Variants in ATF7 observed in about 807,000 individuals in gnomAD.
The protein encoded by ATF7 is cyclic AMP-dependent transcription factor ATF-7.
ATF7 carries 10 observed loss-of-function variants against 50.4 expected under a neutral mutation model. The observed-to-expected ratio is 0.20, with a 90% CI of 0.12 to 0.34. The LOEUF (loss-of-function observed/expected upper bound fraction) is 0.34. Ranked by LOEUF, ATF7 falls within the 10% of genes least tolerant of loss-of-function variation. The pLI is 1.00. For synonymous variants in ATF7, 201 were observed against 226.4 expected, an observed-to-expected ratio of 0.89 and a Z score of 1.01; for missense variants, 465 against 613.9, an observed-to-expected ratio of 0.76 and a Z score of 2.56.
At chr12:53,576,912 C>T (rs534848933) in intron 2 of ATF7, among the ~76,000 whole-genome samples, 23 of 152,082 alleles carry the variant, frequency 1.5e-4, no homozygotes, top group South Asian at 1.2e-3. Flanking sequence ...AAAAGTTAGT[C>T]GGGCATGGTT....
intron 3 of ATF7, among the ~76,000 whole-genome samples, chr12:53,548,490 C>A (rs747340706): frequency 7.3e-5 from 11 of 151,716 alleles, no homozygotes; most frequent in Non-Finnish European, 1.2e-4. Context: ...CGCCACCACA[C>A]CTGGCTAATT....
At chr12:53,565,231 T>C (rs766747385) in intron 2 of ATF7, among the ~76,000 whole-genome samples, 6 of 151,654 alleles carry the variant, frequency 4.0e-5, no homozygotes, top group Non-Finnish European at 8.8e-5. Context: ...GCCAACTCCA[T>C]CAGGGATTGG....
rs779068166 is a variant in ATF7 at position 53,537,516 on chromosome 12, T to C, written c.301A>G (p.Thr101Ala). ...AGPLDMSLPSTPDIKIKEEEP... is the reference protein window; with the variant it reads ...AGPLDMSLPSAPDIKIKEEEP... ...TCTTCTTTGATTTTGATGTCTGGTG[T>C]GGAAGGCAGAGACATGTCAAGGGGC... Residue 101 changes from threonine (T) to alanine (A), a missense_variant, in exon 5 of 12, where the codon ACA becomes GCA. By Grantham distance (58) the Thr-to-Ala change is moderately conservative. Transcript: ENST00000420353. 6.2e-7 allele frequency: 1 copy of C among 1,613,576 alleles called. No individual in the cohort carries two copies. The highest frequency in any genetic ancestry group is 1.7e-5 in the Admixed American group (1 of 59,998).
chr12:53,519,132 ATTCT>A (rs1333573586), intron 11 of ATF7, among the ~76,000 whole-genome samples: 1 of 151,706 alleles, frequency 6.6e-6, no homozygotes, highest in East Asian at 1.9e-4. Flanking sequence ...TAACTGTTTT[ATTCT>A]TTGTGTTTTC....
intron 2 of ATF7, among the ~76,000 whole-genome samples, chr12:53,558,899 G>GT (rs2137546455): frequency 6.6e-6 from 1 of 152,234 alleles, no homozygotes; most frequent in South Asian, 2.1e-4. Flanking sequence ...TCCATTTCTA[G>GT]TAAGTTTTAC....
At chr12:53,564,590 C>A (rs1247899346) in intron 2 of ATF7, among the ~76,000 whole-genome samples, 1 of 152,160 alleles carries the variant, frequency 6.6e-6, no homozygotes, top group Non-Finnish European at 1.5e-5. Context: ...GTGTCAAGAA[C>A]TGGATTCCTC....
chr12:53,569,746 C>T (rs1003667086), intron 2 of ATF7, among the ~76,000 whole-genome samples: 1 of 151,890 alleles, frequency 6.6e-6, no homozygotes, highest in Non-Finnish European at 1.5e-5. Context: ...GCAATCTCAG[C>T]TTACTGCAAC....
At chr12:53,531,654 C>T (rs1938898077) in intron 9 of ATF7, 90 bp downstream of exon 9, 1 of 1,369,716 alleles carries the variant, frequency 7.3e-7, no homozygotes, top group Non-Finnish European at 9.6e-7. Context: ...AGCTGAAGTC[C>T]ATTCTTCTCT....
intron 9 of ATF7, among the ~76,000 whole-genome samples, chr12:53,527,493 A>T (rs1011785021): frequency 6.7e-6 from 1 of 149,860 alleles, no homozygotes; most frequent in Non-Finnish European, 1.5e-5. Context: ...AAAAACAAAT[A>T]AAAAAAAGAT....
chr12:53,554,753 C>A (rs1940605206), intron 2 of ATF7, among the ~76,000 whole-genome samples: 1 of 149,452 alleles, frequency 6.7e-6, no homozygotes, highest in African/African-American at 2.5e-5. Context: ...ATCCTACCTA[C>A]TTGGGAGACT....
chr12:53,527,341 G>C (rs902547671), intron 9 of ATF7, among the ~76,000 whole-genome samples: 1 of 151,850 alleles, frequency 6.6e-6, no homozygotes, highest in Non-Finnish European at 1.5e-5. Context: ...AATTAGCTGG[G>C]CATGGTGATG....
chr12:53,541,860 C>T (rs1453062223), intron 4 of ATF7, among the ~76,000 whole-genome samples: 4 of 152,098 alleles, frequency 2.6e-5, no homozygotes, highest in African/African-American at 7.2e-5. Flanking sequence ...CTCACTCTGT[C>T]GCCCAGGCTG....
chr12:53,583,498 A>T (rs559956797), intron 2 of ATF7, among the ~76,000 whole-genome samples: 1 of 152,092 alleles, frequency 6.6e-6, no homozygotes, highest in Admixed American at 6.5e-5. Context: ...TTATAATTTA[A>T]TAATACTATA....
chr12:53,545,058 C>G (rs1939814451), intron 3 of ATF7, among the ~76,000 whole-genome samples: 1 of 152,100 alleles, frequency 6.6e-6, no homozygotes, highest in Admixed American at 6.6e-5. Flanking sequence ...TCAAGTGGAA[C>G]AGGAGGGGGC....
intron 1 of ATF7, among the ~76,000 whole-genome samples, chr12:53,616,789 T>TA (rs2137916545): frequency 6.6e-6 from 1 of 151,214 alleles, no homozygotes; most frequent in South Asian, 2.1e-4. Flanking sequence ...CTAAGATACC[T>TA]AAAAAATTAG....
chr12:53,550,142 G>GTGAAAT (rs906702584), intron 3 of ATF7, among the ~76,000 whole-genome samples: 2 of 151,794 alleles, frequency 1.3e-5, no homozygotes, highest in African/African-American at 4.8e-5. Flanking sequence ...GGCCAACATG[G>GTGAAAT]TGAAATCCCG....
intron 2 of ATF7, among the ~76,000 whole-genome samples, chr12:53,570,523 C>A (rs779108837): frequency 1.3e-5 from 2 of 152,232 alleles, no homozygotes; most frequent in Middle Eastern, 3.4e-3. Flanking sequence ...ATAGACCTGT[C>A]CTGCCAAAAT....
rs1429754568 is a variant in ATF7 at position 53,534,559 on chromosome 12, G to T, written c.503C>A (p.Thr168Asn). The change falls in exon 6 of 12, where the codon ACC (threonine) becomes AAC (asparagine). Residue 168 changes from threonine (T) to asparagine (N), a missense_variant. Coordinates refer to ENST00000420353, the MANE Select transcript of ATF7 (RefSeq NM_006856.3). ...GATGACAGAGGTTGGGGAGGGAAGG[G>T]TTGGATGAAGTGGATCATAGCCCAA... ...LHLGYDPLHP[T>N]LPSPTSVITQ... 1 of 1,613,926 alleles carries T rather than the reference G, an allele frequency of 6.2e-7. No individual in the cohort carries two copies. The highest frequency in any genetic ancestry group is 2.2e-5 in the East Asian group (1 of 44,880).
intron 1 of ATF7, among the ~76,000 whole-genome samples, chr12:53,601,789 G>T (rs991906596): frequency 6.6e-6 from 1 of 152,172 alleles, no homozygotes; most frequent in Non-Finnish European, 1.5e-5. Flanking sequence ...GTGTTCTTGG[G>T]CTGCTCTGTT....
Sources: gnomAD v4.1 joint callset for allele counts (sites outside exome capture counted in the v4.1 genomes callset) on GRCh38, gnomAD v4.1.1 for gene constraint, MANE v1.5 for transcripts, NCBI Gene and HGNC (gene_info 2026-07-23, HGNC 2026-07-21) for gene names.